Variants in ABCB10 observed in about 807,000 individuals in gnomAD.
ABCB10 encodes ATP binding cassette subfamily B member 10, also known as ATP-binding cassette sub-family B member 10, mitochondrial.
A neutral mutation model predicts 65.4 loss-of-function variants in ABCB10; 54 were observed. The ratio of observed to expected loss-of-function variants is 0.83; its 90% CI spans 0.66 to 1.04. The LOEUF is 1.04. Among genes scored for constraint, ABCB10 ranks in the 50% least tolerant of loss-of-function variants. ABCB10 has a pLI of 0.00. For synonymous variants in ABCB10, 418 were observed against 406.5 expected (o/e 1.03, Z -0.34); for missense variants, 846 against 976.6 (o/e 0.87, Z 1.78).
At chr1:229,552,843 G>T (rs1234500009) in intron 1 of ABCB10, among the ~76,000 whole-genome samples, 1 of 152,122 alleles carries the variant, frequency 6.6e-6, no homozygotes, top group African/African-American at 2.4e-5. Context: ...CCTACGCAAG[G>T]TCTCCCAATT....
Position 229,542,217 on chromosome 1 carries a change from G to C in ABCB10, c.1056+20C>G. 1.2e-6 allele frequency: 2 copies of C among 1,612,108 alleles called. No individual in the cohort carries two copies. The highest frequency in any genetic ancestry group is 1.7e-6 in the Non-Finnish European group (2 of 1,179,238). ...GACCCCATTCTGCTGGAAACCACGC[G>C]GACAGGAAGGGGCCTTTACCTGAGT... On this transcript the variant is annotated intron_variant, in intron 4 of 12. Coordinates refer to ENST00000344517, the MANE Select transcript of ABCB10 (RefSeq NM_012089.3).
intron 8 of ABCB10, among the ~76,000 whole-genome samples, chr1:229,529,185 C>T (rs936322607): frequency 4.8e-5 from 7 of 146,308 alleles, no homozygotes; most frequent in South Asian, 4.4e-4. Context: ...CCCAGCTACT[C>T]GGGAGGCTGA....
chr1:229,549,377 AG>A lies in ABCB10; in HGVS notation c.574del (p.Leu192TrpfsTer20), dbSNP rs775499115. 6.2e-7 allele frequency: 1 copy of A among 1,614,214 alleles called. No homozygotes were observed. The highest frequency in any genetic ancestry group is 8.5e-7 in the Non-Finnish European group (1 of 1,180,050). ...SVISMSAPFFLGKIIDVIYTN... is the reference protein window; with the variant it reads ...SVISMSAPFFXGKIIDVIYTN... ...ATAGATGACATCAATGATCTTCCCC[AG>A]GAAGAAAGGGGCAGACATGGAGATA... is the stretch of plus-strand genomic sequence containing the variant. On this transcript the variant is annotated frameshift_variant, in exon 2 of 13. Transcript: ENST00000344517. LOFTEE classifies it high-confidence loss of function.
chr1:229,539,094 C>A (rs186323362), intron 6 of ABCB10, among the ~76,000 whole-genome samples: 48 of 152,312 alleles, frequency 3.2e-4, no homozygotes, highest in Admixed American at 1.6e-3. Context: ...CCATGACTAA[C>A]ACAGGACTAT....
chr1:229,545,465 T>C (rs574608076), intron 3 of ABCB10, among the ~76,000 whole-genome samples: 2 of 152,296 alleles, frequency 1.3e-5, no homozygotes, highest in Non-Finnish European at 2.9e-5. Flanking sequence ...CCCAAAACGA[T>C]AGCCCTACTG....
chr1:229,519,049 TATATGAAATGTCCACAAC>T (rs1400819482), intron 11 of ABCB10, 174 bp from the exon 12 acceptor site: 2 of 493,654 alleles, frequency 4.1e-6, no homozygotes, highest in African/African-American at 3.9e-5. Context: ...TGAGTTCACT[TATATGAAATGTCCACAAC>T]AGGCACTTCT....
At chr1:229,540,227 C>G (rs565438218) in intron 5 of ABCB10, among the ~76,000 whole-genome samples, 1 of 152,238 alleles carries the variant, frequency 6.6e-6, no homozygotes, top group African/African-American at 2.4e-5. Context: ...TTTGGTTAAT[C>G]CTTAGACTTT....
intron 5 of ABCB10, 74 bp from the exon 6 acceptor site, chr1:229,539,665 G>A: frequency 6.7e-7 from 1 of 1,499,686 alleles, no homozygotes; most frequent in Non-Finnish European, 9.0e-7. Context: ...AACACGGCCT[G>A]TAATGTCCCT....
chr1:229,553,052 A>C (rs1663156832), intron 1 of ABCB10, among the ~76,000 whole-genome samples: 1 of 152,160 alleles, frequency 6.6e-6, no homozygotes, highest in Non-Finnish European at 1.5e-5. Flanking sequence ...TCTAGATTAT[A>C]GAACAGAAGG....
chr1:229,558,089 G>A, intron 1 of ABCB10, 47 bp downstream of exon 1: 1 of 1,305,822 alleles, frequency 7.7e-7, no homozygotes. Flanking sequence ...CCCCGCGTGT[G>A]GAGAAGGAGA....
intron 11 of ABCB10, among the ~76,000 whole-genome samples, 156 bp downstream of exon 11, chr1:229,521,436 C>G (rs186656454): frequency 6.6e-6 from 1 of 151,248 alleles, no homozygotes; most frequent in African/African-American, 2.4e-5. Flanking sequence ...ACTACACTAA[C>G]TTACCTTTCA....
At chr1:229,548,841 C>T (rs2034171) in intron 2 of ABCB10, among the ~76,000 whole-genome samples, 45,977 of 151,394 alleles carry the variant, frequency 0.3, 8,780 homozygotes, top group African/African-American at 0.54. Flanking sequence ...TTTTGTATTT[C>T]TAGTAGAGAC....
intron 6 of ABCB10, among the ~76,000 whole-genome samples, chr1:229,536,349 T>C (rs1319899992): frequency 5.3e-5 from 8 of 150,494 alleles, no homozygotes; most frequent in Non-Finnish European, 4.4e-5. Flanking sequence ...CTCCAAAAAA[T>C]AAAAATAATT....
At position 229,539,522 on chromosome 1, in the gene ABCB10, G is replaced by A. The variant is rs776892153; in HGVS notation, c.1273C>T (p.His425Tyr). 7 of 1,613,896 alleles carry A rather than the reference G, an allele frequency of 4.3e-6. No homozygotes were observed. The South Asian group carries it at 6.6e-5, about 15-fold the overall frequency. ...YKGGLLMGSA[H>Y]MTVGELSSFL... ...GAAGAGAGTTCACCCACGGTCATGTGGGCACTGCCCATCAGCAGCCCTCCT... is the reference window on the plus strand; with the variant it reads ...GAAGAGAGTTCACCCACGGTCATGTAGGCACTGCCCATCAGCAGCCCTCCT... Residue 425 changes from histidine (H) to tyrosine (Y), a missense_variant, in exon 6 of 13, where the codon CAC (histidine) becomes TAC (tyrosine). Around this residue, in one of 2 missense-constraint regions of ABCB10, gnomAD observed 632 missense variants for 803.2 expected, o/e 0.79. Coordinates refer to ENST00000344517, the MANE Select transcript of ABCB10 (RefSeq NM_012089.3).
chr1:229,529,026 T>C (rs1383396625), intron 8 of ABCB10, among the ~76,000 whole-genome samples: 2 of 152,022 alleles, frequency 1.3e-5, no homozygotes, highest in East Asian at 3.9e-4. Context: ...GCGCGGTGGC[T>C]CACGCCTGTA....
chr1:229,539,282 T>C (rs1667498134), intron 6 of ABCB10, among the ~76,000 whole-genome samples, 174 bp downstream of exon 6: 1 of 152,194 alleles, frequency 6.6e-6, no homozygotes, highest in Non-Finnish European at 1.5e-5. Flanking sequence ...GCTCACCTGC[T>C]GGGGAGGGTC....
intron 1 of ABCB10, among the ~76,000 whole-genome samples, chr1:229,551,391 T>G (rs1160242061): frequency 1.3e-5 from 2 of 152,212 alleles, no homozygotes; most frequent in African/African-American, 4.8e-5. Context: ...CTCTCTCCAT[T>G]AGGACATAAA....
intron 3 of ABCB10, among the ~76,000 whole-genome samples, chr1:229,545,339 C>T (rs1662942879): frequency 1.3e-5 from 2 of 152,172 alleles, no homozygotes; most frequent in Non-Finnish European, 2.9e-5. Context: ...ATCTAATAGG[C>T]AACACACCCT....
At chr1:229,531,469 C>T (rs1460410930) in intron 7 of ABCB10, among the ~76,000 whole-genome samples, 167 bp downstream of exon 7, 1 of 152,170 alleles carries the variant, frequency 6.6e-6, no homozygotes, top group Non-Finnish European at 1.5e-5. Flanking sequence ...CTGTCCCACC[C>T]CCTCTCATAG....
Sources: gnomAD v4.1 joint callset for allele counts (sites outside exome capture counted in the v4.1 genomes callset) on GRCh38, gnomAD v4.1.1 for gene constraint, gnomAD v4.1.1 regional missense constraint, MANE v1.5 for transcripts, NCBI Gene and HGNC (gene_info 2026-07-23, HGNC 2026-07-21) for gene names.